The following MYSM1 variants were observed in gnomAD, a reference collection of about 807,000 sequenced individuals.
MYSM1 encodes deubiquitinase MYSM1.
A neutral mutation model predicts 116.0 loss-of-function variants in MYSM1; 51 were observed. The observed-to-expected ratio is 0.44, with a 90% CI of 0.35 to 0.56. The LOEUF (loss-of-function observed/expected upper bound fraction) is 0.56, where lower values mean the gene tolerates loss of function less well. MYSM1 is among the 20% of genes least tolerant of loss of function. MYSM1 has a pLI of 0.00. For missense variants in MYSM1, 900 were observed against 974.9 expected (o/e 0.92, Z 1.02); for synonymous variants, 313 against 315.2 (o/e 0.99, Z 0.07).
In MYSM1 at chr1:58,689,153, G is replaced by A. The variant is rs762803762; in HGVS notation, c.321-37C>T. 6 of 1,496,146 alleles carry A rather than the reference G, an allele frequency of 4.0e-6. No homozygotes were observed. The Admixed American group carries it at 6.2e-5, about 15-fold the overall frequency. The allele number at this position is 1,496,146 out of a possible 1,614,324, so 92.7% of individuals were successfully genotyped here. On this transcript the variant is annotated intron_variant, in intron 5 of 19. Transcript: ENST00000472487. ...AAAAGGAATTGCAAAAAAAATTTCTGAAATGGAACATTCCATATTTATGTA... is the reference window on the plus strand; with the variant it reads ...AAAAGGAATTGCAAAAAAAATTTCTAAAATGGAACATTCCATATTTATGTA...
chr1:58,667,842 C>G lies in MYSM1; in HGVS notation c.1842+5G>C. 1 of 1,576,116 alleles carries G rather than the reference C, an allele frequency of 6.3e-7. No individual in the cohort carries two copies. The highest frequency in any genetic ancestry group is 8.7e-7 in the Non-Finnish European group (1 of 1,145,726). Reference sequence around the variant, plus strand: ...TAAAACATTTTTTTAAAAGAGAGAACTTACTTCAACTACTTTATCAACTTC... The same window carrying G: ...TAAAACATTTTTTTAAAAGAGAGAAGTTACTTCAACTACTTTATCAACTTC... On this transcript the variant is annotated splice_donor_5th_base_variant and intron_variant, in intron 15 of 19. Transcript: ENST00000472487.
In MYSM1 at chr1:58,661,024, A is replaced by C. The variant is rs534779908; in HGVS notation, c.2328+146T>G. 903 of 625,772 alleles carry C rather than the reference A, an allele frequency of 1.4e-3. 6 individuals are homozygous for C. The highest frequency in any genetic ancestry group is 5.9e-3 in the Middle Eastern group (23 of 3,898). 38.8% of individuals were successfully genotyped at this position (625,772 alleles called of 1,614,324 possible). On this transcript the variant is annotated intron_variant, in intron 19 of 19. Transcript: ENST00000472487. ...CAAAAAACGTTACTAATTATCTCCT[A>C]GAAATTAATTTTCCAAAGGAAAAAG...
At chr1:58,675,248 C>T (rs1644632142) in intron 10 of MYSM1, among the ~76,000 whole-genome samples, 1 of 152,144 alleles carries the variant, frequency 6.6e-6, no homozygotes, top group South Asian at 2.1e-4. Flanking sequence ...TATGCTTCTG[C>T]ATCAAGTTTG....
At chr1:58,686,332 G>A (rs751612269) in intron 6 of MYSM1, among the ~76,000 whole-genome samples, 1 of 152,014 alleles carries the variant, frequency 6.6e-6, no homozygotes, top group African/African-American at 2.4e-5. Context: ...AATTTAATAC[G>A]TAAATCCTCT....
intron 2 of MYSM1, 93 bp downstream of exon 2, chr1:58,695,036 G>T: frequency 3.3e-6 from 2 of 613,708 alleles, no homozygotes; most frequent in East Asian, 2.9e-5. Flanking sequence ...TGATAGTTGA[G>T]AACTAGCACT....
chr1:58,695,660 GAAA>G (rs34226722), intron 1 of MYSM1, among the ~76,000 whole-genome samples: 15 of 137,980 alleles, frequency 1.1e-4, no homozygotes, highest in Non-Finnish European at 1.4e-4. Flanking sequence ...TAAAATGAAA[GAAA>G]AAAAAAAAAC....
At chr1:58,671,990 C>T in intron 11 of MYSM1, 32 bp from the exon 12 acceptor site, 1 of 1,534,304 alleles carries the variant, frequency 6.5e-7, no homozygotes, top group Non-Finnish European at 9.0e-7. Context: ...TTAAGGAGTC[C>T]ATCATCTACT....
At position 58,677,049 on chromosome 1, in the gene MYSM1, A is replaced by G. The variant is rs756125704; in HGVS notation, c.1267T>C (p.Cys423Arg). 1.1e-5 allele frequency: 17 copies of G among 1,601,802 alleles called. No individual in the cohort carries two copies. Among genetic ancestry groups the G allele is most frequent in the Middle Eastern group, 1.7e-4 (1 of 6,034 alleles). ...RNYILDQWEICKPKYLNKTSV... is the reference protein window; with the variant it reads ...RNYILDQWEIRKPKYLNKTSV... Reference sequence around the variant, plus strand: ...GTCTTATTTAAGTATTTTGGTTTGCATATCTCCCTAATTAAGAGACAGAAG... The same window carrying G: ...GTCTTATTTAAGTATTTTGGTTTGCGTATCTCCCTAATTAAGAGACAGAAG... Residue 423 changes from cysteine (C) to arginine (R), a missense_variant, in exon 9 of 20, where the codon TGC (cysteine) becomes CGC (arginine). Cys to Arg is a radical substitution (Grantham distance 180, BLOSUM62 -3). This residue lies in a region of MYSM1 where 622 missense variants were observed against 623.7 expected (regional missense o/e 1.00). Transcript: ENST00000472487.
At chr1:58,694,436 C>T (rs528628249) in intron 2 of MYSM1, among the ~76,000 whole-genome samples, 30 of 152,112 alleles carry the variant, frequency 2.0e-4, no homozygotes, top group African/African-American at 7.0e-4. Flanking sequence ...GCTTGGCCAA[C>T]ATGGTGAAAC....
rs1306414391 is a variant in MYSM1 at position 58,658,419 on chromosome 1, C to T, written c.*1578G>A. 1 of 151,512 alleles carries T rather than the reference C, an allele frequency of 6.6e-6. No individual in the cohort carries two copies. Among genetic ancestry groups the T allele is most frequent in the Non-Finnish European group, 1.5e-5 (1 of 67,932 alleles). The allele number at this position is 151,512 out of a possible 1,614,324, so 9.4% of individuals were successfully genotyped here. On this transcript the variant is annotated 3_prime_UTR_variant, in exon 20 of 20. Coordinates refer to ENST00000472487, the MANE Select transcript of MYSM1 (RefSeq NM_001085487.3). Reference sequence around the variant, plus strand: ...AGAGTAGTCCAACGATTAGAATGAACAATAAAATTTTAGTTCTGGAAGGAC... The same window carrying T: ...AGAGTAGTCCAACGATTAGAATGAATAATAAAATTTTAGTTCTGGAAGGAC...
chr1:58,699,490 A>C (rs1645031739), intron 1 of MYSM1: 1 of 321,092 alleles, frequency 3.1e-6, no homozygotes, highest in African/African-American at 2.2e-5. Flanking sequence ...AGAACTGTCC[A>C]ACTCTAAAAC....
chr1:58,683,107 A>G (rs1172002852), intron 7 of MYSM1, among the ~76,000 whole-genome samples: 2 of 152,256 alleles, frequency 1.3e-5, no homozygotes, highest in Non-Finnish European at 2.9e-5. Context: ...CTATAAATAT[A>G]TAACTAATTC....
intron 17 of MYSM1, among the ~76,000 whole-genome samples, chr1:58,663,674 G>A (rs1239084155): frequency 1.3e-5 from 2 of 152,128 alleles, no homozygotes; most frequent in Non-Finnish European, 2.9e-5. Context: ...TTCCCATCTG[G>A]GCTAGTTTAT....
Position 58,667,121 on chromosome 1 carries a change from T to C in MYSM1, c.1948A>G (p.Ser650Gly). The C allele has an allele frequency of 6.2e-7, 1 of 1,613,610 alleles. No individual in the cohort carries two copies. Among genetic ancestry groups the C allele is most frequent in the Non-Finnish European group, 8.5e-7 (1 of 1,179,694 alleles). Reference sequence around the variant, plus strand: ...TGAGAATGATACCATCCAATAACACTGAAGCCTCTAACAGCCAAGGTTTCT... The same window carrying C: ...TGAGAATGATACCATCCAATAACACCGAAGCCTCTAACAGCCAAGGTTTCT... The part of the protein sequence containing the change: ...ASETLAVRGF[S>G]VIGWYHSHPA... The change falls in exon 16 of 20, where the codon AGT (serine) becomes GGT (glycine). Residue 650 changes from serine to glycine, a missense_variant. Ser to Gly is a moderately conservative substitution (Grantham distance 56). Coordinates refer to ENST00000472487, the MANE Select transcript of MYSM1 (RefSeq NM_001085487.3).
In MYSM1 at chr1:58,656,616, G is replaced by T. The variant is rs1557498579; in HGVS notation, c.*3381C>A. ...GAGTTTTCGTTAGGTTGGGAAGGAA[G>T]TAAGTTCAAGTCTATAGATCTATAA... On this transcript the variant is annotated 3_prime_UTR_variant, in exon 20 of 20. Coordinates refer to ENST00000472487, the MANE Select transcript of MYSM1 (RefSeq NM_001085487.3). The T allele has an allele frequency of 6.6e-6, 1 of 152,230 alleles. No homozygotes were observed. Among genetic ancestry groups the T allele is most frequent in the Non-Finnish European group, 1.5e-5 (1 of 68,046 alleles). 9.4% of individuals were successfully genotyped at this position (152,230 alleles called of 1,614,324 possible).
chr1:58,670,576 T>C (rs578106576), intron 12 of MYSM1, among the ~76,000 whole-genome samples: 2 of 152,330 alleles, frequency 1.3e-5, no homozygotes, highest in Admixed American at 1.3e-4. Context: ...ACACTATTGA[T>C]AGGAATAATC....
At chr1:58,666,872 C>A (rs1644479061) in intron 16 of MYSM1, among the ~76,000 whole-genome samples, 166 bp downstream of exon 16, 1 of 147,378 alleles carries the variant, frequency 6.8e-6, no homozygotes. Context: ...GAAACTCTGT[C>A]TCAAAAAAAA....
Position 58,681,725 on chromosome 1 carries a change from A to G in MYSM1, c.1259+60T>C, listed in dbSNP as rs1644744605. On this transcript the variant is annotated intron_variant, in intron 8 of 19. Coordinates refer to ENST00000472487, the MANE Select transcript of MYSM1 (RefSeq NM_001085487.3). ...AAATTCTAAATTCTGTATAGGCCTA[A>G]TTAAAATACTTCAGAATATCACGTT... 5 of 1,461,322 alleles carry G rather than the reference A, an allele frequency of 3.4e-6. No homozygotes were observed. In the South Asian group the frequency reaches 5.8e-5, roughly 17 times the overall value. The allele number at this position is 1,461,322 out of a possible 1,614,324, so 90.5% of individuals were successfully genotyped here.
chr1:58,676,847 C>G, intron 9 of MYSM1, 79 bp downstream of exon 9: 1 of 1,467,710 alleles, frequency 6.8e-7, no homozygotes, highest in South Asian at 1.2e-5. Context: ...TACTTGAATT[C>G]TAACCATCAT....
Sources: gnomAD v4.1 joint callset for allele counts (sites outside exome capture counted in the v4.1 genomes callset) on GRCh38, gnomAD v4.1.1 for gene constraint, gnomAD v4.1.1 regional missense constraint, MANE v1.5 for transcripts, NCBI Gene and HGNC (gene_info 2026-07-23, HGNC 2026-07-21) for gene names.